KCNQ3: variants seen among roughly 807,000 people sequenced by gnomAD.
The protein encoded by KCNQ3 is potassium voltage-gated channel subfamily Q member 3.
In KCNQ3, 30 loss-of-function variants were observed where a neutral mutation model predicts 92.5. That is an observed-to-expected ratio of 0.32 (90% CI 0.24 to 0.44). The LOEUF (loss-of-function observed/expected upper bound fraction) is 0.44. Ranked by LOEUF, KCNQ3 falls within the 20% of genes least tolerant of loss-of-function variation. The pLI is 1.00. For missense variants in KCNQ3, 913 were observed against 1,140.3 expected (o/e 0.80, Z 2.87); for synonymous variants, 450 against 468.8 (o/e 0.96, Z 0.52).
At chr8:132,249,772 G>A (rs112446241) in intron 1 of KCNQ3, among the ~76,000 whole-genome samples, 4 of 152,302 alleles carry the variant, frequency 2.6e-5, no homozygotes, top group African/African-American at 9.6e-5. Flanking sequence ...GCTCGGGCAT[G>A]ACGGGCTGCA....
intron 1 of KCNQ3, among the ~76,000 whole-genome samples, chr8:132,227,058 C>CT (rs1563813401): frequency 3.4e-5 from 3 of 88,660 alleles, no homozygotes; most frequent in Admixed American, 1.0e-4. Context: ...ACATATCTCA[C>CT]TCTTTTTTTT....
chr8:132,315,057 C>T (rs1305371723), intron 1 of KCNQ3, among the ~76,000 whole-genome samples: 2 of 152,080 alleles, frequency 1.3e-5, no homozygotes, highest in Admixed American at 6.5e-5. Context: ...GAGAACCAAC[C>T]GCTGAATAAT....
chr8:132,128,092 G>A lies in KCNQ3; in HGVS notation c.*1170C>T, dbSNP rs913575449. 2 of 152,134 alleles carry A rather than the reference G, an allele frequency of 1.3e-5. No individual in the cohort carries two copies. Among genetic ancestry groups the A allele is most frequent in the African/African-American group, 4.8e-5 (2 of 41,432 alleles). The allele number at this position is 152,134 out of a possible 1,614,324, so 9.4% of individuals were successfully genotyped here. On this transcript the variant is annotated 3_prime_UTR_variant, in exon 15 of 15. Coordinates refer to ENST00000388996, the MANE Select transcript of KCNQ3 (RefSeq NM_004519.4). ...AATCCCCCTCCTGCTGGATAAACTG[G>A]GTGCTTTCCACGCGACACAAAGTCA...
At chr8:132,142,606 A>AATTG (rs1825331154) in intron 9 of KCNQ3, among the ~76,000 whole-genome samples, 2 of 152,142 alleles carry the variant, frequency 1.3e-5, no homozygotes, top group South Asian at 4.1e-4. Flanking sequence ...TGGTATACTC[A>AATTG]ATGCAGCAGC....
intron 1 of KCNQ3, among the ~76,000 whole-genome samples, chr8:132,439,552 C>G (rs1432417294): frequency 6.6e-6 from 1 of 152,112 alleles, no homozygotes; most frequent in Non-Finnish European, 1.5e-5. Flanking sequence ...GTATGGTAAT[C>G]AGCTGACCCT....
intron 1 of KCNQ3, among the ~76,000 whole-genome samples, chr8:132,271,540 T>A (rs1816148704): frequency 6.6e-6 from 1 of 152,234 alleles, no homozygotes. Context: ...CACGGACCAC[T>A]GAGACCTCCC....
At chr8:132,412,619 C>A (rs1018849120) in intron 1 of KCNQ3, among the ~76,000 whole-genome samples, 8 of 152,262 alleles carry the variant, frequency 5.3e-5, no homozygotes, top group African/African-American at 1.9e-4. Flanking sequence ...TCAGCCTAAG[C>A]AATGGTAGTG....
chr8:132,475,062 C>G (rs900460723), intron 1 of KCNQ3, among the ~76,000 whole-genome samples: 1 of 152,142 alleles, frequency 6.6e-6, no homozygotes, highest in Non-Finnish European at 1.5e-5. Flanking sequence ...TTCACTCTTG[C>G]GCTCTCTCCT....
intron 1 of KCNQ3, among the ~76,000 whole-genome samples, chr8:132,200,923 A>C (rs982298259): frequency 2.0e-5 from 3 of 152,188 alleles, no homozygotes; most frequent in Non-Finnish European, 2.9e-5. Flanking sequence ...TCACAGACTG[A>C]GATTATTTTA....
At chr8:132,362,561 A>T (rs1428970892) in intron 1 of KCNQ3, among the ~76,000 whole-genome samples, 1 of 152,184 alleles carries the variant, frequency 6.6e-6, no homozygotes, top group Admixed American at 6.5e-5. Flanking sequence ...TGCTGGGACA[A>T]ATGTTCTAGC....
At chr8:132,337,116 C>A (rs183820872) in intron 1 of KCNQ3, among the ~76,000 whole-genome samples, 2 of 152,144 alleles carry the variant, frequency 1.3e-5, no homozygotes, top group Non-Finnish European at 2.9e-5. Flanking sequence ...ATGACACTTA[C>A]ATATAATTCC....
At chr8:132,232,810 G>A (rs1814685157) in intron 1 of KCNQ3, among the ~76,000 whole-genome samples, 1 of 152,200 alleles carries the variant, frequency 6.6e-6, no homozygotes, top group South Asian at 2.1e-4. Flanking sequence ...GGGTGTTCGT[G>A]TGACTTTGTT....
intron 1 of KCNQ3, among the ~76,000 whole-genome samples, chr8:132,224,129 G>T (rs1258318095): frequency 1.6e-5 from 2 of 123,960 alleles, no homozygotes; most frequent in Non-Finnish European, 3.3e-5. Flanking sequence ...GAGACAGGGT[G>T]TTGCTATGTT....
intron 1 of KCNQ3, among the ~76,000 whole-genome samples, chr8:132,368,931 G>A (rs6471063): frequency 0.53 from 80,161 of 151,630 alleles, 23,582 homozygotes; most frequent in African/African-American, 0.81. Context: ...TTTCTGATCC[G>A]GGATCCCATT....
intron 1 of KCNQ3, among the ~76,000 whole-genome samples, chr8:132,385,368 C>A (rs73708442): frequency 2.0e-5 from 3 of 152,184 alleles, no homozygotes; most frequent in Non-Finnish European, 4.4e-5. Flanking sequence ...TTCTGGGGAG[C>A]CTAACATGCC....
At chr8:132,477,437 A>G (rs914873228) in intron 1 of KCNQ3, among the ~76,000 whole-genome samples, 1 of 152,310 alleles carries the variant, frequency 6.6e-6, no homozygotes, top group African/African-American at 2.4e-5. Context: ...CACAGCCCAG[A>G]ACAAGATAAT....
chr8:132,129,193 G>A lies in KCNQ3; in HGVS notation c.*69C>T, dbSNP rs1466103435. ...ATTGGTGTCCCCGCTGGTAAGCGTC[G>A]GGTGTAAGAGTAAGTGAACTATACA... is the stretch of plus-strand genomic sequence containing the variant. On this transcript the variant is annotated 3_prime_UTR_variant, in exon 15 of 15. Coordinates refer to ENST00000388996, the MANE Select transcript of KCNQ3 (RefSeq NM_004519.4). This position sits in a 1 kb window ranked among gnomAD's most constrained non-coding sequence, Gnocchi z 5.9. The A allele has an allele frequency of 9.0e-6, 14 of 1,562,792 alleles. No individual in the cohort carries two copies. The highest frequency in any genetic ancestry group is 1.2e-5 in the Non-Finnish European group (14 of 1,150,276).
At chr8:132,450,373 C>T (rs548750547) in intron 1 of KCNQ3, among the ~76,000 whole-genome samples, 9 of 152,268 alleles carry the variant, frequency 5.9e-5, no homozygotes, top group African/African-American at 1.2e-4. Flanking sequence ...AGCCACAGAG[C>T]GCTGATTGGT....
intron 8 of KCNQ3, 145 bp downstream of exon 8, chr8:132,170,189 C>A (rs1826280022): frequency 4.3e-6 from 3 of 703,192 alleles, no homozygotes; most frequent in Admixed American, 4.1e-5. Flanking sequence ...GTTTAAGCTA[C>A]CAGATAATTC....
Sources: allele counts gnomAD v4.1 joint callset (sites outside exome capture counted in the v4.1 genomes callset), GRCh38; gene constraint gnomAD v4.1.1; non-coding constraint Gnocchi (gnomAD v3.1); transcripts MANE v1.5; gene names NCBI Gene and HGNC (gene_info 2026-07-23, HGNC 2026-07-21).